Variants in LEF1 observed in about 807,000 individuals in gnomAD.
LEF1 encodes the protein lymphoid enhancer binding factor 1.
Under a neutral mutation model 51.2 loss-of-function variants are expected in LEF1, and 14 were observed. That is an observed-to-expected ratio of 0.27 (90% confidence interval 0.18 to 0.43). The LOEUF is 0.43. Among genes scored for constraint, LEF1 ranks in the 20% least tolerant of loss-of-function variants. LEF1 has a pLI of 1.00. For synonymous variants in LEF1, 185 were observed against 183.2 expected (o/e 1.01, Z -0.08); for missense variants, 386 against 512.0 (o/e 0.75, Z 2.37).
chr4:108,106,168 T>C (rs938841318), intron 3 of LEF1, among the ~76,000 whole-genome samples: 1 of 152,088 alleles, frequency 6.6e-6, no homozygotes, highest in Non-Finnish European at 1.5e-5. Context: ...CTTAAGTAAA[T>C]AAATGCCTAC....
At chr4:108,124,208 T>A (rs921394013) in intron 3 of LEF1, among the ~76,000 whole-genome samples, 4 of 152,170 alleles carry the variant, frequency 2.6e-5, no homozygotes, top group African/African-American at 4.8e-5. Flanking sequence ...TTACATGAGA[T>A]AACTGATATT....
chr4:108,155,746 A>G (rs1744652869), intron 3 of LEF1, among the ~76,000 whole-genome samples: 1 of 152,142 alleles, frequency 6.6e-6, no homozygotes, highest in Non-Finnish European at 1.5e-5. Flanking sequence ...AACCTTCCCA[A>G]AGTTTTCAGA....
In LEF1 at chr4:108,126,804, C is replaced by CAA. The variant is rs11329450; in HGVS notation, c.414+36762_414+36763dup. Among the ~76,000 whole-genome samples the CAA allele has an allele frequency of 5.7e-3, 549 of 97,120 alleles. 4 individuals are homozygous for CAA. Among genetic ancestry groups the CAA allele is most frequent in the Middle Eastern group, 0.014 (2 of 138 alleles). The allele number at this position is 97,120 out of a possible 152,430, so 63.7% of individuals were successfully genotyped here. ...TGGGTGACAAAGGGAGACTTTCTCT[C>CAA]AAAAAAAAAAAAAAAAAAAAGAATA... On this transcript the variant is annotated intron_variant, in intron 3 of 11. Transcript: ENST00000265165.
chr4:108,155,202 TAGTTAAG>T (rs1227046382), intron 3 of LEF1, among the ~76,000 whole-genome samples: 1 of 152,178 alleles, frequency 6.6e-6, no homozygotes, highest in Non-Finnish European at 1.5e-5. Flanking sequence ...TCCATTCAAG[TAGTTAAG>T]AGTTATCTGG....
intron 3 of LEF1, among the ~76,000 whole-genome samples, chr4:108,121,051 A>G (rs1742146904): frequency 6.6e-6 from 1 of 152,224 alleles, no homozygotes. Flanking sequence ...ACTTTGCCAC[A>G]TTGTAAAAGT....
At chr4:108,057,691 G>A (rs1274409353) in intron 11 of LEF1, among the ~76,000 whole-genome samples, 1 of 151,958 alleles carries the variant, frequency 6.6e-6, no homozygotes, top group East Asian at 1.9e-4. Flanking sequence ...TCAGGCTCTC[G>A]AACATCATCA....
At chr4:108,137,711 A>G (rs945233719) in intron 3 of LEF1, among the ~76,000 whole-genome samples, 6 of 152,216 alleles carry the variant, frequency 3.9e-5, no homozygotes, top group Non-Finnish European at 1.5e-5. Context: ...TATAAATTTT[A>G]GATCCTAATT....
chr4:108,081,734 T>G, intron 5 of LEF1, 65 bp from the exon 6 acceptor site: 1 of 1,138,250 alleles, frequency 8.8e-7, no homozygotes, highest in Admixed American at 1.8e-5. Context: ...GTAGTAAGAG[T>G]TGGATGAGGG....
Position 108,167,817 on chromosome 4 carries a change from G to T in LEF1, c.-50C>A. The T allele has an allele frequency of 6.5e-7, 1 of 1,535,122 alleles. No homozygotes were observed. Among genetic ancestry groups the T allele is most frequent in the Non-Finnish European group, 8.9e-7 (1 of 1,121,026 alleles). ...CCGCTGTGGGAGCACCCGCGCAACA[G>T]CAGGAAAGACAGAGGGGTAACTCAA... On this transcript the variant is annotated 5_prime_UTR_variant, in exon 1 of 12. It adds an upstream start codon to the 5' untranslated region. Coordinates refer to ENST00000265165, the MANE Select transcript of LEF1 (RefSeq NM_016269.5). The surrounding 1 kb of genome is among the most constrained non-coding windows in gnomAD (Gnocchi z 5.7).
chr4:108,105,110 C>CATTTAAAAACA (rs1473617473), intron 3 of LEF1, among the ~76,000 whole-genome samples: 61 of 151,916 alleles, frequency 4.0e-4, no homozygotes, highest in Non-Finnish European at 6.2e-4. Context: ...GAGCTTAATA[C>CATTTAAAAACA]TATGGGTTTA....
At chr4:108,149,647 A>G (rs1311060415) in intron 3 of LEF1, among the ~76,000 whole-genome samples, 1 of 149,328 alleles carries the variant, frequency 6.7e-6, no homozygotes, top group East Asian at 1.9e-4. Context: ...ACATATATGT[A>G]CATGTGTATA....
chr4:108,096,090 A>G (rs1037713780), intron 3 of LEF1, among the ~76,000 whole-genome samples: 1 of 152,200 alleles, frequency 6.6e-6, no homozygotes, highest in Non-Finnish European at 1.5e-5. Flanking sequence ...AAAAAAACAA[A>G]CTAAAACATT....
chr4:108,157,164 CTCTCTA>C (rs1213306860), intron 3 of LEF1, among the ~76,000 whole-genome samples: 32 of 78,792 alleles, frequency 4.1e-4, no homozygotes, highest in African/African-American at 1.0e-3. Context: ...CTCTCTCTCT[CTCTCTA>C]TATATATATA....
chr4:108,123,531 A>G (rs1742313727), intron 3 of LEF1, among the ~76,000 whole-genome samples: 1 of 146,968 alleles, frequency 6.8e-6, no homozygotes, highest in African/African-American at 2.6e-5. Context: ...ATCACATTCT[A>G]CAACAGCCAG....
intron 9 of LEF1, among the ~76,000 whole-genome samples, chr4:108,065,354 G>A (rs182548819): frequency 3.4e-4 from 52 of 152,276 alleles, no homozygotes; most frequent in African/African-American, 3.9e-4. Context: ...GCGTGGTGGC[G>A]TGCGCCTGTA....
At chr4:108,088,731 G>C (rs983295545) in intron 4 of LEF1, among the ~76,000 whole-genome samples, 11 of 80,844 alleles carry the variant, frequency 1.4e-4, no homozygotes, top group Non-Finnish European at 2.9e-5. Context: ...ATAACCAAAA[G>C]AGATTCAAAA....
chr4:108,094,269 GGA>G (rs1179584651), intron 3 of LEF1, among the ~76,000 whole-genome samples: 1 of 152,166 alleles, frequency 6.6e-6, no homozygotes, highest in Non-Finnish European at 1.5e-5. Context: ...GTAAAGCTAC[GGA>G]GACTCAACTG....
At chr4:108,153,802 T>C (rs986534784) in intron 3 of LEF1, among the ~76,000 whole-genome samples, 25 of 152,154 alleles carry the variant, frequency 1.6e-4, no homozygotes, top group Non-Finnish European at 3.1e-4. Context: ...TTAAATAAAT[T>C]AGGCAATCTA....
chr4:108,053,007 G>C (rs1347116049), intron 11 of LEF1, among the ~76,000 whole-genome samples: 1 of 152,180 alleles, frequency 6.6e-6, no homozygotes. Context: ...ATGAGCCTCT[G>C]AACTCTCAAC....
Sources: gnomAD v4.1 joint callset for allele counts (sites outside exome capture counted in the v4.1 genomes callset) on GRCh38, gnomAD v4.1.1 for gene constraint, Gnocchi (gnomAD v3.1) non-coding constraint, MANE v1.5 for transcripts, NCBI Gene and HGNC (gene_info 2026-07-23, HGNC 2026-07-21) for gene names.